The following CNBD1 variants were observed in gnomAD, a reference collection of about 807,000 sequenced individuals.
CNBD1 encodes cyclic nucleotide-binding domain-containing protein 1.
A neutral mutation model predicts 54.4 loss-of-function variants in CNBD1; 71 were observed. The ratio of observed to expected loss-of-function variants is 1.30; its 90% CI spans 1.08 to 1.59. The LOEUF is 1.59. Ranked by LOEUF, CNBD1 falls within the 40% of genes most tolerant of loss-of-function variation. CNBD1 has a pLI of 0.00. For missense variants in CNBD1, 659 were observed against 518.0 expected (o/e 1.27, Z -2.64); for synonymous variants, 182 against 170.7 (o/e 1.07, Z -0.51).
At chr8:87,002,577 C>G (rs1809015028) in intron 4 of CNBD1, among the ~76,000 whole-genome samples, 1 of 151,476 alleles carries the variant, frequency 6.6e-6, no homozygotes, top group Non-Finnish European at 1.5e-5. Flanking sequence ...TACTCTTACT[C>G]ATGCTGAAAC....
chr8:86,912,930 A>G (rs1809126839), intron 3 of CNBD1, among the ~76,000 whole-genome samples: 1 of 152,180 alleles, frequency 6.6e-6, no homozygotes, highest in African/African-American at 2.4e-5. Flanking sequence ...AACAACAACA[A>G]AAAGAGCTTA....
At chr8:87,203,263 A>G (rs527727825) in intron 4 of CNBD1, among the ~76,000 whole-genome samples, 2 of 152,338 alleles carry the variant, frequency 1.3e-5, no homozygotes, top group South Asian at 4.1e-4. Context: ...ACATGTATCC[A>G]TGCATATCTA....
intron 4 of CNBD1, among the ~76,000 whole-genome samples, chr8:87,191,391 A>T (rs1010256331): frequency 3.3e-5 from 5 of 151,982 alleles, no homozygotes; most frequent in African/African-American, 1.2e-4. Flanking sequence ...TGCCCACCCA[A>T]ATTGAGGGTG....
intron 4 of CNBD1, among the ~76,000 whole-genome samples, chr8:87,153,935 A>G (rs1812659673): frequency 6.6e-6 from 1 of 152,154 alleles, no homozygotes; most frequent in Non-Finnish European, 1.5e-5. Context: ...GTAAAATTAT[A>G]TGGGAAGGCC....
intron 8 of CNBD1, among the ~76,000 whole-genome samples, chr8:87,331,881 A>T (rs1045442743): frequency 6.6e-6 from 1 of 152,132 alleles, no homozygotes; most frequent in Admixed American, 6.5e-5. Flanking sequence ...GTGTCTGTTC[A>T]TATCATTTAC....
chr8:87,369,818 T>A (rs979577267), intron 10 of CNBD1, among the ~76,000 whole-genome samples: 4 of 152,012 alleles, frequency 2.6e-5, no homozygotes, highest in Non-Finnish European at 4.4e-5. Flanking sequence ...GCTGGTGTGC[T>A]GCACCCATTA....
At chr8:86,894,283 G>A (rs920079633) in intron 2 of CNBD1, among the ~76,000 whole-genome samples, 2 of 149,874 alleles carry the variant, frequency 1.3e-5, no homozygotes, top group African/African-American at 2.5e-5. Context: ...GGATGGTCTC[G>A]ATCTCCTGAC....
intron 1 of CNBD1, among the ~76,000 whole-genome samples, chr8:86,883,907 T>C (rs1486460560): frequency 1.3e-5 from 2 of 152,138 alleles, no homozygotes; most frequent in Non-Finnish European, 2.9e-5. Flanking sequence ...ATCCCAGCAC[T>C]TTGGGAGGCC....
chr8:87,235,259 C>T (rs1563518365), intron 5 of CNBD1, among the ~76,000 whole-genome samples: 2 of 152,154 alleles, frequency 1.3e-5, no homozygotes, highest in Non-Finnish European at 2.9e-5. Context: ...ACTGGAATAG[C>T]ACTTTTAAAT....
chr8:87,063,964 T>C (rs991916784), intron 4 of CNBD1, among the ~76,000 whole-genome samples: 2 of 152,072 alleles, frequency 1.3e-5, no homozygotes, highest in African/African-American at 4.8e-5. Flanking sequence ...TCTAACACTT[T>C]GCTAAACTCA....
intron 4 of CNBD1, among the ~76,000 whole-genome samples, chr8:87,098,806 G>C (rs1452253820): frequency 2.0e-5 from 3 of 151,240 alleles, no homozygotes; most frequent in African/African-American, 7.3e-5. Flanking sequence ...GGGAGGCCGA[G>C]GCGGGTGGAT....
intron 4 of CNBD1, among the ~76,000 whole-genome samples, chr8:86,995,534 G>A (rs1808851854): frequency 6.6e-6 from 1 of 152,174 alleles, no homozygotes; most frequent in Admixed American, 6.5e-5. Context: ...GGAAATTCAG[G>A]TAGAGTTTTG....
intron 6 of CNBD1, among the ~76,000 whole-genome samples, chr8:87,266,436 A>AAAATTTTT (rs71503464): frequency 1.3e-5 from 1 of 76,224 alleles, no homozygotes; most frequent in Non-Finnish European, 3.1e-5. Flanking sequence ...AAAAAAAAAA[A>AAAATTTTT]TCTTTTTTTT....
At chr8:87,321,891 G>T (rs1208493109) in intron 8 of CNBD1, among the ~76,000 whole-genome samples, 1 of 148,152 alleles carries the variant, frequency 6.7e-6, no homozygotes, top group Non-Finnish European at 1.5e-5. Flanking sequence ...CCATGCTGGT[G>T]TGCTGCACCC....
intron 2 of CNBD1, among the ~76,000 whole-genome samples, chr8:86,904,297 A>G (rs1586124188): frequency 6.6e-6 from 1 of 152,104 alleles, no homozygotes; most frequent in Non-Finnish European, 1.5e-5. Context: ...AGCTCTCAAG[A>G]TGAATGTTTA....
At chr8:87,257,812 A>G (rs1374454886) in intron 6 of CNBD1, among the ~76,000 whole-genome samples, 2 of 152,190 alleles carry the variant, frequency 1.3e-5, no homozygotes, top group East Asian at 1.9e-4. Context: ...CTGGTTTAAC[A>G]TGAATATCTG....
At chr8:86,951,249 A>G (rs1807610825) in intron 4 of CNBD1, among the ~76,000 whole-genome samples, 1 of 152,114 alleles carries the variant, frequency 6.6e-6, no homozygotes, top group Non-Finnish European at 1.5e-5. Flanking sequence ...AGTACAGATA[A>G]TGCAACTATT....
chr8:87,225,730 G>C (rs1425881188), intron 5 of CNBD1, among the ~76,000 whole-genome samples: 1 of 151,662 alleles, frequency 6.6e-6, no homozygotes, highest in Non-Finnish European at 1.5e-5. Flanking sequence ...GCTCGGCTTT[G>C]GTATCAGAAT....
intron 2 of CNBD1, among the ~76,000 whole-genome samples, chr8:87,388,109 T>A (rs934923930): frequency 2.4e-4 from 36 of 152,270 alleles, no homozygotes; most frequent in African/African-American, 7.9e-4. Flanking sequence ...CAAAACTGTG[T>A]AGAGGGAAAT....
Sources: gnomAD v4.1 joint callset for allele counts (sites outside exome capture counted in the v4.1 genomes callset) on GRCh38, gnomAD v4.1.1 for gene constraint, MANE v1.5 for transcripts, NCBI Gene and HGNC (gene_info 2026-07-23, HGNC 2026-07-21) for gene names.